ING3: variants seen among roughly 807,000 people sequenced by gnomAD.
ING3 encodes inhibitor of growth protein 3.
In ING3, 6 loss-of-function variants were observed where a neutral mutation model predicts 64.8. The observed-to-expected ratio is 0.09, with a 90% CI of 0.05 to 0.18. ING3 has a LOEUF of 0.18. ING3 is among the 10% of genes least tolerant of loss of function. ING3 has a pLI of 1.00. For synonymous variants in ING3, 170 were observed against 173.7 expected, an observed-to-expected ratio of 0.98 and a Z score of 0.17; for missense variants, 310 against 489.7, an observed-to-expected ratio of 0.63 and a Z score of 3.46.
chr7:120,967,941 A>G lies in ING3; in HGVS notation c.564A>G (p.Arg188=). 6.2e-7 allele frequency: 1 copy of G among 1,614,100 alleles called. No individual in the cohort carries two copies. Among genetic ancestry groups the G allele is most frequent in the Non-Finnish European group, 8.5e-7 (1 of 1,179,986 alleles). The change falls in exon 8 of 12, where the codon CGA becomes CGG. Residue 188 remains arginine (R), a synonymous_variant. Coordinates refer to ENST00000315870, the MANE Select transcript of ING3 (RefSeq NM_019071.3). ...TTTTTTACATCTACACAGGTTGTCG[A>G]AATAATAATTCCACAGCCTCTTCTA... is the stretch of plus-strand genomic sequence containing the variant. ...DASKENTLGC[R]NNNSTASSNN...
At chr7:120,955,236 C>A (rs973572449) in intron 3 of ING3, among the ~76,000 whole-genome samples, 2 of 152,170 alleles carry the variant, frequency 1.3e-5, no homozygotes, top group African/African-American at 2.4e-5. Flanking sequence ...TCAAGCACTT[C>A]TTGTGCCTCA....
At chr7:120,954,459 A>C (rs898632077) in intron 3 of ING3, among the ~76,000 whole-genome samples, 4 of 152,110 alleles carry the variant, frequency 2.6e-5, no homozygotes, top group African/African-American at 9.7e-5. Flanking sequence ...TCCACTAAGG[A>C]AGAAATTTGG....
chr7:120,967,388 G>C (rs1796009923), intron 6 of ING3, 141 bp from the exon 7 acceptor site: 1 of 511,346 alleles, frequency 2.0e-6, no homozygotes, highest in African/African-American at 2.0e-5. Flanking sequence ...TGCTTGTCCT[G>C]CCTTCTGAGG....
chr7:120,967,377 C>T (rs1007169077), intron 6 of ING3, 152 bp from the exon 7 acceptor site: 3 of 481,818 alleles, frequency 6.2e-6, no homozygotes, highest in Middle Eastern at 5.6e-4. Context: ...ACACAGAGTT[C>T]TGCTTGTCCT....
intron 11 of ING3, among the ~76,000 whole-genome samples, chr7:120,973,570 G>A (rs761873843): frequency 6.6e-6 from 1 of 152,024 alleles, no homozygotes; most frequent in Non-Finnish European, 1.5e-5. Context: ...TCACATTGAA[G>A]AAATGGAATT....
At chr7:120,951,267 T>C (rs748577257) in intron 2 of ING3, 32 bp downstream of exon 2, 2 of 1,606,782 alleles carry the variant, frequency 1.2e-6, no homozygotes, top group Non-Finnish European at 8.5e-7. Context: ...TCCTGTTCGC[T>C]GCGCGCGTTC....
At chr7:120,972,335 T>TC (rs1363422630) in intron 10 of ING3, among the ~76,000 whole-genome samples, 2 of 152,188 alleles carry the variant, frequency 1.3e-5, no homozygotes, top group African/African-American at 2.4e-5. Context: ...GATTATTGTG[T>TC]CTAACAGTAT....
rs1185044744 is a variant in ING3 at position 120,977,024 on chromosome 7, A to G, written c.*2180A>G. 6.6e-6 allele frequency: 1 copy of G among 152,202 alleles called. No individual in the cohort carries two copies. The highest frequency in any genetic ancestry group is 6.5e-5 in the Admixed American group (1 of 15,282). 9.4% of individuals were successfully genotyped at this position (152,202 alleles called of 1,614,324 possible). A position where few individuals can be genotyped will look rare whatever the true frequency, so the allele number is the denominator to read the frequency against. On this transcript the variant is annotated 3_prime_UTR_variant, in exon 12 of 12. Coordinates refer to ENST00000315870, the MANE Select transcript of ING3 (RefSeq NM_019071.3). ...ATTTACACCAAGGGGCATAGTAAGT[A>G]TTTTTGGTATTATAAAATACACATT...
At chr7:120,966,747 T>C in intron 6 of ING3, 50 bp downstream of exon 6, 1 of 1,212,820 alleles carries the variant, frequency 8.2e-7, no homozygotes, top group East Asian at 2.3e-5. Flanking sequence ...AAAACCTTAT[T>C]ATATCACCTA....
intron 1 of ING3, 100 bp downstream of exon 1, chr7:120,951,024 G>T: frequency 6.7e-7 from 1 of 1,501,728 alleles, no homozygotes; most frequent in South Asian, 1.1e-5. Context: ...GGGGCGGCGG[G>T]GGATGTTTCT....
At chr7:120,959,456 G>A (rs982215125) in intron 4 of ING3, among the ~76,000 whole-genome samples, 1 of 151,882 alleles carries the variant, frequency 6.6e-6, no homozygotes, top group Admixed American at 6.6e-5. Flanking sequence ...CCAGGCCCTA[G>A]AACTCAGTGT....
intron 9 of ING3, among the ~76,000 whole-genome samples, 174 bp from the exon 10 acceptor site, chr7:120,970,514 T>C (rs865806284): frequency 2.6e-5 from 4 of 152,090 alleles, no homozygotes; most frequent in African/African-American, 4.8e-5. Flanking sequence ...CCAGAACTTA[T>C]GTTAATTCTT....
chr7:120,968,294 G>T (rs185090995), intron 8 of ING3, among the ~76,000 whole-genome samples: 1 of 152,214 alleles, frequency 6.6e-6, no homozygotes, highest in East Asian at 1.9e-4. Flanking sequence ...TAAAAAATAG[G>T]TTTATCATGC....
intron 4 of ING3, among the ~76,000 whole-genome samples, chr7:120,958,731 G>A (rs1369616346): frequency 6.6e-6 from 1 of 151,948 alleles, no homozygotes; most frequent in African/African-American, 2.4e-5. Context: ...TCTTTCTATT[G>A]GCTTCTATAC....
Position 120,964,736 on chromosome 7 carries a change from A to C in ING3, c.268-6A>C, listed in dbSNP as rs2116675893. On this transcript the variant is annotated splice_polypyrimidine_tract_variant and splice_region_variant and intron_variant, in intron 4 of 11. Transcript: ENST00000315870. ...TGGTGGTTATCTTTGATCTTCTTTG[A>C]AACAGGTAGATCGACACTTGAGAAA... 1 of 1,612,224 alleles carries C rather than the reference A, an allele frequency of 6.2e-7. No homozygotes were observed. The highest frequency in any genetic ancestry group is 1.1e-5 in the South Asian group (1 of 91,044).
At chr7:120,964,600 C>A in intron 4 of ING3, 142 bp from the exon 5 acceptor site, 1 of 610,548 alleles carries the variant, frequency 1.6e-6, no homozygotes, top group Non-Finnish European at 2.9e-6. Flanking sequence ...GATTAAAAAC[C>A]TCTGAGGCAT....
intron 5 of ING3, among the ~76,000 whole-genome samples, chr7:120,965,954 A>G (rs548687818): frequency 6.6e-6 from 1 of 152,320 alleles, no homozygotes; most frequent in African/African-American, 2.4e-5. Context: ...GTACTGCAGG[A>G]AGGTTAATAA....
At chr7:120,958,728 A>G (rs963220783) in intron 4 of ING3, among the ~76,000 whole-genome samples, 7 of 151,964 alleles carry the variant, frequency 4.6e-5, no homozygotes, top group Non-Finnish European at 8.8e-5. Flanking sequence ...TTTTCTTTCT[A>G]TTGGCTTCTA....
chr7:120,975,758 A>G lies in ING3; in HGVS notation c.*914A>G, dbSNP rs1189823346. 1 of 152,196 alleles carries G rather than the reference A, an allele frequency of 6.6e-6. No homozygotes were observed. Among genetic ancestry groups the G allele is most frequent in the Non-Finnish European group, 1.5e-5 (1 of 68,018 alleles). 9.4% of individuals were successfully genotyped at this position (152,196 alleles called of 1,614,324 possible). ...AAGAATCAGAGACCCAGGACACAGA[A>G]TACTGTGTAATCTGTGATGTCTTTA... is the stretch of plus-strand genomic sequence containing the variant. On this transcript the variant is annotated 3_prime_UTR_variant, in exon 12 of 12. Coordinates refer to ENST00000315870, the MANE Select transcript of ING3 (RefSeq NM_019071.3).
Sources: allele counts gnomAD v4.1 joint callset (sites outside exome capture counted in the v4.1 genomes callset), GRCh38; gene constraint gnomAD v4.1.1; transcripts MANE v1.5; gene names NCBI Gene and HGNC (gene_info 2026-07-23, HGNC 2026-07-21).